The following LCK variants were observed in gnomAD, a reference collection of about 807,000 sequenced individuals.
LCK encodes the protein LCK proto-oncogene, Src family tyrosine kinase.
LCK carries 14 observed loss-of-function variants against 64.6 expected under a neutral mutation model. The ratio of observed to expected loss-of-function variants is 0.22; its 90% CI spans 0.14 to 0.34. LCK has a LOEUF of 0.34. Ranked by LOEUF, LCK falls within the 10% of genes least tolerant of loss-of-function variation. LCK has a pLI of 1.00. For missense variants in LCK, 434 were observed against 668.1 expected (o/e 0.65, Z 3.86); for synonymous variants, 277 against 263.6 (o/e 1.05, Z -0.49).
Position 32,276,820 on chromosome 1 carries a change from C to T in LCK, c.964+34C>T, listed in dbSNP as rs775495212. ...TACCCGAGTCGGCTACCAGGGGATACTGCTCTCCCTGCTGTCCCTGCCAGA... is the reference window on the plus strand; with the variant it reads ...TACCCGAGTCGGCTACCAGGGGATATTGCTCTCCCTGCTGTCCCTGCCAGA... On this transcript the variant is annotated intron_variant, in intron 9 of 12. Transcript: ENST00000336890. The surrounding 1 kb of genome is among the most constrained non-coding windows in gnomAD (Gnocchi z 4.6). 6.5e-7 allele frequency: 1 copy of T among 1,541,802 alleles called. No homozygotes were observed.
chr1:32,268,257 C>T (rs1359683778), intron 1 of LCK, among the ~76,000 whole-genome samples: 1 of 151,894 alleles, frequency 6.6e-6, no homozygotes, highest in African/African-American at 2.4e-5. Flanking sequence ...AATGCAAATG[C>T]CTGGCAGTAT....
chr1:32,273,354 G>T (rs902411745), intron 1 of LCK, among the ~76,000 whole-genome samples: 2 of 150,824 alleles, frequency 1.3e-5, no homozygotes, highest in Middle Eastern at 6.8e-3. Flanking sequence ...CTCTGTGTGT[G>T]TGTGTGAGAG....
At chr1:32,277,218 A>AAAG (rs1640308514) in intron 9 of LCK, 1 of 151,580 alleles carries the variant, frequency 6.6e-6, no homozygotes, top group South Asian at 2.1e-4. Flanking sequence ...TCTATCAAAA[A>AAAG]AAAAAAAAAA....
intron 1 of LCK, among the ~76,000 whole-genome samples, chr1:32,269,038 G>A (rs911672743): frequency 1.3e-5 from 2 of 151,094 alleles, no homozygotes; most frequent in African/African-American, 4.9e-5. Flanking sequence ...GGGAGGCTGA[G>A]GGAGGAGAGA....
intron 12 of LCK, 87 bp downstream of exon 12, chr1:32,280,297 A>C (rs1229722946): frequency 1.7e-5 from 27 of 1,553,792 alleles, no homozygotes; most frequent in Non-Finnish European, 2.3e-5. Flanking sequence ...TCAGAATCTG[A>C]AACTTTGTAG....
At chr1:32,266,316 C>T (rs533446422) in intron 1 of LCK, among the ~76,000 whole-genome samples, 3 of 151,348 alleles carry the variant, frequency 2.0e-5, no homozygotes, top group African/African-American at 7.3e-5. Flanking sequence ...CATGGTGAAA[C>T]CCCGTCTCTA....
At chr1:32,263,344 G>A (rs1402204958) in intron 1 of LCK, among the ~76,000 whole-genome samples, 4 of 151,764 alleles carry the variant, frequency 2.6e-5, no homozygotes, top group East Asian at 1.9e-4. Flanking sequence ...AGTCAGCTGC[G>A]ATTGTGCCAC....
At position 32,275,531 on chromosome 1, in the gene LCK, G is replaced by A. The variant is rs757025299; in HGVS notation, c.378-38G>A. The A allele has an allele frequency of 6.4e-7, 1 of 1,553,500 alleles. No homozygotes were observed. The highest frequency in any genetic ancestry group is 1.2e-5 in the South Asian group (1 of 85,722). ...TGAGGGCCACGGAGGAAGATCCGAC[G>A]ACAGCCGACGGCCTTCGTTCGCTTC... is the stretch of plus-strand genomic sequence containing the variant. On this transcript the variant is annotated intron_variant, in intron 5 of 12. Transcript: ENST00000336890. This position sits in a 1 kb window ranked among gnomAD's most constrained non-coding sequence, Gnocchi z 6.9.
chr1:32,277,604 T>G (rs1640321828), intron 9 of LCK, among the ~76,000 whole-genome samples: 1 of 152,190 alleles, frequency 6.6e-6, no homozygotes, highest in Admixed American at 6.6e-5. Context: ...CACACCGATT[T>G]GCCGTGTGAC....
At chr1:32,259,492 C>T (rs180788956) in intron 1 of LCK, among the ~76,000 whole-genome samples, 183 of 150,460 alleles carry the variant, frequency 1.2e-3, no homozygotes, top group Middle Eastern at 3.5e-3. Context: ...TGGTGGCACA[C>T]GCCTGTAGTC....
In LCK at chr1:32,279,732, G is replaced by A; in HGVS notation, c.1026G>A (p.Leu342=). ...SGIKLTINKL[L]DMAAQIAEGM... is the part of the protein sequence containing the mutation. Reference sequence around the variant, plus strand: ...TCAAGTTGACCATCAACAAACTCCTGGACATGGCAGCCCAAGTAAGGAGAC... The same window carrying A: ...TCAAGTTGACCATCAACAAACTCCTAGACATGGCAGCCCAAGTAAGGAGAC... The change falls in exon 10 of 13, where the codon CTG becomes CTA. Residue 342 remains leucine (L), a synonymous_variant. Coordinates refer to ENST00000336890, the MANE Select transcript of LCK (RefSeq NM_005356.5). 1.2e-6 allele frequency: 2 copies of A among 1,612,508 alleles called. No individual in the cohort carries two copies. Among genetic ancestry groups the A allele is most frequent in the East Asian group, 2.2e-5 (1 of 44,814 alleles).
At chr1:32,265,766 T>G (rs1009312978) in intron 1 of LCK, among the ~76,000 whole-genome samples, 4 of 152,078 alleles carry the variant, frequency 2.6e-5, no homozygotes, top group Non-Finnish European at 4.4e-5. Context: ...TCCTTCTGCT[T>G]CTTCTACTGG....
Position 32,275,112 on chromosome 1 carries a change from G to A in LCK, c.278+29G>A, listed in dbSNP as rs766830352. 7 of 1,585,202 alleles carry A rather than the reference G, an allele frequency of 4.4e-6. No individual in the cohort carries two copies. Among genetic ancestry groups the A allele is most frequent in the Non-Finnish European group, 6.0e-6 (7 of 1,158,688 alleles). ...AGTCCCTCTCCACCTTGCTCTGGCG[G>A]AGTCCGTGAGGGAGCGGCGATCTCC... On this transcript the variant is annotated intron_variant, in intron 4 of 12. Transcript: ENST00000336890. The surrounding 1 kb of genome is among the most constrained non-coding windows in gnomAD (Gnocchi z 6.9).
intron 1 of LCK, among the ~76,000 whole-genome samples, chr1:32,264,930 G>T (rs1223405175): frequency 6.6e-6 from 1 of 152,056 alleles, no homozygotes; most frequent in Non-Finnish European, 1.5e-5. Context: ...GATTTGGCTG[G>T]GCACAGTGGC....
In LCK at chr1:32,261,017, A is replaced by G. The variant is rs1056953462; in HGVS notation, c.-6+9646A>G. On this transcript the variant is annotated intron_variant, in intron 1 of 12. Coordinates refer to ENST00000336890, the MANE Select transcript of LCK (RefSeq NM_005356.5). ...AAATGTTCAATAAATCAATAGGTCT[A>G]TAGTTGGAGGAGAAAAAATGTTAAC... is the stretch of plus-strand genomic sequence containing the variant. Among the ~76,000 whole-genome samples the G allele has an allele frequency of 3.9e-5, 6 of 152,180 alleles. No individual in the cohort carries two copies. In the South Asian group the frequency reaches 6.2e-4, roughly 16 times the overall value.
Position 32,276,155 on chromosome 1 carries a change from C to T in LCK, c.631+92C>T. 2 of 1,512,866 alleles carry T rather than the reference C, an allele frequency of 1.3e-6. No individual in the cohort carries two copies. The highest frequency in any genetic ancestry group is 1.8e-6 in the Non-Finnish European group (2 of 1,102,674). 93.7% of individuals were successfully genotyped at this position (1,512,866 alleles called of 1,614,324 possible). On this transcript the variant is annotated intron_variant, in intron 7 of 12. Transcript: ENST00000336890. This position sits in a 1 kb window ranked among gnomAD's most constrained non-coding sequence, Gnocchi z 4.6. ...CCCCCATCCATCTTTCAATGCCCTA[C>T]TCCATTCCCCGCAGTGGGTGAGGTG...
Position 32,275,284 on chromosome 1 carries a change from G to T in LCK, c.279-37G>T. The T allele has an allele frequency of 1.2e-6, 2 of 1,605,504 alleles. No homozygotes were observed. The highest frequency in any genetic ancestry group is 3.3e-5 in the Admixed American group (2 of 59,960). On this transcript the variant is annotated intron_variant, in intron 4 of 12. Coordinates refer to ENST00000336890, the MANE Select transcript of LCK (RefSeq NM_005356.5). This position sits in a 1 kb window ranked among gnomAD's most constrained non-coding sequence, Gnocchi z 6.9. Reference sequence around the variant, plus strand: ...TTTGAGGGAGGGTCTCAGGTCGACGGCTGAGCGAGCCACACTGACCCACCT... The same window carrying T: ...TTTGAGGGAGGGTCTCAGGTCGACGTCTGAGCGAGCCACACTGACCCACCT...
chr1:32,261,916 G>A (rs1176269245), intron 1 of LCK, among the ~76,000 whole-genome samples: 3 of 129,086 alleles, frequency 2.3e-5, no homozygotes, highest in African/African-American at 9.0e-5. Context: ...TCACACCATT[G>A]CACTCCAGCC....
In LCK at chr1:32,274,994, C is replaced by A. The variant is rs780848515; in HGVS notation, c.189C>A (p.Asp63Glu). 1.2e-6 allele frequency: 2 copies of A among 1,614,224 alleles called. No homozygotes were observed. Among genetic ancestry groups the A allele is most frequent in the African/African-American group, 1.3e-5 (1 of 75,060 alleles). The part of the protein sequence containing the change: ...GSNPPASPLQ[D>E]NLVIALHSYE... ...CCCTGATGCCCCTTGTCTTTACAGA[C>A]AACCTGGTTATCGCTCTGCACAGCT... Residue 63 changes from aspartate to glutamate, a missense_variant and splice_region_variant, in exon 4 of 13, where the codon GAC becomes GAA. Asp to Glu is a conservative substitution (Grantham distance 45). Transcript: ENST00000336890.
Sources: gnomAD v4.1 joint callset for allele counts (sites outside exome capture counted in the v4.1 genomes callset) on GRCh38, gnomAD v4.1.1 for gene constraint, Gnocchi (gnomAD v3.1) non-coding constraint, MANE v1.5 for transcripts, NCBI Gene and HGNC (gene_info 2026-07-23, HGNC 2026-07-21) for gene names.